The following VPS8 variants were observed in gnomAD, a reference collection of about 807,000 sequenced individuals.
VPS8 encodes the protein VPS8 subunit of CORVET complex.
VPS8 carries 129 observed loss-of-function variants against 216.4 expected under a neutral mutation model. The observed-to-expected ratio is 0.60, with a 90% CI of 0.52 to 0.69. The LOEUF (loss-of-function observed/expected upper bound fraction) is 0.69, where lower values mean the gene tolerates loss of function less well. Ranked by LOEUF, VPS8 falls within the 30% of genes least tolerant of loss-of-function variation. The pLI, the probability that VPS8 is intolerant of heterozygous loss-of-function variation, is 0.00. For missense variants in VPS8, 1,531 were observed against 1,683.5 expected, an observed-to-expected ratio of 0.91 and a Z score of 1.59; for synonymous variants, 571 against 565.4, an observed-to-expected ratio of 1.01 and a Z score of -0.14.
intron 25 of VPS8, among the ~76,000 whole-genome samples, chr3:184,904,661 T>A (rs1735157374): frequency 6.6e-6 from 1 of 152,212 alleles, no homozygotes; most frequent in Admixed American, 6.5e-5. Context: ...TCTTTTGATA[T>A]CTTGTTATCA....
intron 1 of VPS8, chr3:184,813,946 C>T (rs1293923218): frequency 2.0e-5 from 3 of 152,198 alleles, no homozygotes; most frequent in Non-Finnish European, 4.4e-5. Flanking sequence ...CTGTAGGTGT[C>T]ATCGGTACAT....
At chr3:184,938,071 GAGA>G (rs1553877233) in intron 35 of VPS8, among the ~76,000 whole-genome samples, 1 of 152,170 alleles carries the variant, frequency 6.6e-6, no homozygotes, top group Non-Finnish European at 1.5e-5. Context: ...ATGGAGGAGA[GAGA>G]AGAAGGTCTA....
chr3:184,870,822 C>T lies in VPS8; in HGVS notation c.1734+17C>T, dbSNP rs778625755. The stretch of plus-strand genomic sequence containing the variant: ...CATTTTCAGGTACACATTGCATGTG[C>T]TTCCAGTAGACGATGCTCTGGATAG... On this transcript the variant is annotated intron_variant, in intron 21 of 47. Transcript: ENST00000625842. 3 of 1,599,216 alleles carry T rather than the reference C, an allele frequency of 1.9e-6. No homozygotes were observed. Among genetic ancestry groups the T allele is most frequent in the East Asian group, 4.5e-5 (2 of 44,508 alleles).
At chr3:185,031,237 A>T (rs1396321927) in intron 46 of VPS8, among the ~76,000 whole-genome samples, 4 of 151,968 alleles carry the variant, frequency 2.6e-5, no homozygotes. Context: ...TAGATGCAGC[A>T]TTTTCTAGCC....
At chr3:185,013,055 G>C (rs1755266976) in intron 45 of VPS8, among the ~76,000 whole-genome samples, 2 of 152,156 alleles carry the variant, frequency 1.3e-5, no homozygotes, top group Admixed American at 1.3e-4. Flanking sequence ...ACTTGCAGCA[G>C]GAACATGTCC....
chr3:184,977,868 T>C (rs542207465), intron 40 of VPS8, among the ~76,000 whole-genome samples: 13 of 141,162 alleles, frequency 9.2e-5, no homozygotes, highest in African/African-American at 3.3e-4. Context: ...AATATTAGCC[T>C]GATGTTTTCT....
rs1189305327 is a variant in VPS8, at chr3:184,886,530, CACACACACATATGTAT to C, written c.1781+384_1781+399del. On this transcript the variant is annotated intron_variant, in intron 22 of 47. Transcript: ENST00000625842. ...ATATACACACACACATACACATATA[CACACACACATATGTAT>C]ACACACACACACACATTCTTCTTTT... Among the ~76,000 whole-genome samples, 10 of 145,440 alleles carry C rather than the reference CACACACACATATGTAT, an allele frequency of 6.9e-5. No individual in the cohort carries two copies. In the South Asian group the frequency reaches 2.2e-3, roughly 31 times the overall value.
intron 45 of VPS8, among the ~76,000 whole-genome samples, chr3:185,006,035 A>G (rs1343864101): frequency 7.2e-5 from 11 of 152,340 alleles, no homozygotes; most frequent in African/African-American, 1.9e-4. Context: ...TTCTGGGGCT[A>G]TCCCATTCTG....
In VPS8 at chr3:185,022,632, T is replaced by A. The variant is rs529784146; in HGVS notation, c.4003-1704T>A. Among the ~76,000 whole-genome samples, 6 of 152,350 alleles carry A rather than the reference T, an allele frequency of 3.9e-5. No homozygotes were observed. In the South Asian group the frequency reaches 1.2e-3, roughly 32 times the overall value. Reference sequence around the variant, plus strand: ...TCATCTTTTAAATACCTGTAAATGATGTTGCATGTTGTAATATATCCTCTT... The same window carrying A: ...TCATCTTTTAAATACCTGTAAATGAAGTTGCATGTTGTAATATATCCTCTT... On this transcript the variant is annotated intron_variant, in intron 45 of 47. Transcript: ENST00000625842.
intron 1 of VPS8, among the ~76,000 whole-genome samples, chr3:184,822,203 A>G (rs1021945188): frequency 6.6e-6 from 1 of 152,174 alleles, no homozygotes; most frequent in Non-Finnish European, 1.5e-5. Flanking sequence ...GGTCATTTCT[A>G]AGAAAAGTGG....
chr3:185,040,949 T>A (rs1711505546), intron 46 of VPS8, among the ~76,000 whole-genome samples: 2 of 152,172 alleles, frequency 1.3e-5, no homozygotes, highest in Admixed American at 6.5e-5. Context: ...ATGCCTGTAA[T>A]CCCAGCACTT....
At chr3:184,820,840 T>G (rs1717422498) in intron 1 of VPS8, among the ~76,000 whole-genome samples, 2 of 152,216 alleles carry the variant, frequency 1.3e-5, no homozygotes, top group African/African-American at 4.8e-5. Flanking sequence ...TTAGAATGAG[T>G]TAGTAACAAT....
intron 11 of VPS8, among the ~76,000 whole-genome samples, chr3:184,852,914 T>A (rs1410539524): frequency 6.6e-6 from 1 of 152,196 alleles, no homozygotes; most frequent in African/African-American, 2.4e-5. Context: ...GTAAACAGGT[T>A]TTTAATTATC....
chr3:184,949,446 T>A (rs1192916351), intron 36 of VPS8, among the ~76,000 whole-genome samples: 1 of 152,200 alleles, frequency 6.6e-6, no homozygotes, highest in Non-Finnish European at 1.5e-5. Context: ...TGTCAGGCAG[T>A]GATGAGCTTG....
intron 46 of VPS8, among the ~76,000 whole-genome samples, chr3:185,047,165 C>A (rs541353797): frequency 2.6e-5 from 4 of 152,298 alleles, no homozygotes; most frequent in African/African-American, 9.6e-5. Flanking sequence ...CACATCAGGA[C>A]GAGGGCCACA....
intron 36 of VPS8, among the ~76,000 whole-genome samples, chr3:184,944,325 C>G (rs1475616992): frequency 6.6e-6 from 1 of 152,158 alleles, no homozygotes; most frequent in African/African-American, 2.4e-5. Context: ...AAGGAAATTA[C>G]TTGCCTGAAT....
intron 28 of VPS8, among the ~76,000 whole-genome samples, 180 bp downstream of exon 28, chr3:184,915,654 C>A (rs1317774352): frequency 6.6e-6 from 1 of 152,036 alleles, no homozygotes; most frequent in Non-Finnish European, 1.5e-5. Context: ...ACTAAAAATA[C>A]AAAACTTAGC....
intron 13 of VPS8, among the ~76,000 whole-genome samples, chr3:184,855,361 C>T (rs1725047931): frequency 1.3e-5 from 2 of 151,952 alleles, no homozygotes; most frequent in Admixed American, 1.3e-4. Context: ...GTATTCTTTC[C>T]CCTAAATATT....
intron 40 of VPS8, 156 bp from the exon 41 acceptor site, chr3:184,982,410 T>G: frequency 1.8e-6 from 1 of 570,094 alleles, no homozygotes; most frequent in Non-Finnish European, 3.0e-6. Context: ...TTGCCCCAAA[T>G]ATTTCCATTT....
Sources: gnomAD v4.1 joint callset for allele counts (sites outside exome capture counted in the v4.1 genomes callset) on GRCh38, gnomAD v4.1.1 for gene constraint, MANE v1.5 for transcripts, NCBI Gene and HGNC (gene_info 2026-07-23, HGNC 2026-07-21) for gene names.